Variants in CACNA2D2 observed in about 807,000 individuals in gnomAD.
The protein encoded by CACNA2D2 is voltage-dependent calcium channel subunit alpha-2/delta-2.
In CACNA2D2, 48 loss-of-function variants were observed where a neutral mutation model predicts 166.4. That is an observed-to-expected ratio of 0.29 (90% CI 0.23 to 0.37). The LOEUF (loss-of-function observed/expected upper bound fraction) is 0.37, where lower values mean the gene tolerates loss of function less well. Among genes scored for constraint, CACNA2D2 ranks in the 10% least tolerant of loss-of-function variants. The pLI, the probability that CACNA2D2 is intolerant of heterozygous loss-of-function variation, is 1.00. For missense variants in CACNA2D2, 1,122 were observed against 1,433.0 expected, an observed-to-expected ratio of 0.78 and a Z score of 3.50; for synonymous variants, 561 against 573.7, an observed-to-expected ratio of 0.98 and a Z score of 0.32.
intron 3 of CACNA2D2, among the ~76,000 whole-genome samples, chr3:50,424,607 T>A (rs1478033611): frequency 2.0e-5 from 3 of 152,194 alleles, no homozygotes; most frequent in Non-Finnish European, 2.9e-5. Context: ...ATCACTGCCA[T>A]CTTCAGCAGA....
Position 50,364,875 on chromosome 3 carries a change from C to T in CACNA2D2, c.3291+13G>A, listed in dbSNP as rs752517321. Reference sequence around the variant, plus strand: ...GGCCGCGGGATTTCGGGTCCACCGCCCCCTCTCCTCACTGTCGCGTTGTAG... The same window carrying T: ...GGCCGCGGGATTTCGGGTCCACCGCTCCCTCTCCTCACTGTCGCGTTGTAG... On this transcript the variant is annotated intron_variant, in intron 37 of 37. Coordinates refer to ENST00000424201, the MANE Select transcript of CACNA2D2 (RefSeq NM_006030.4). 2.5e-5 allele frequency: 41 copies of T among 1,613,290 alleles called. No individual in the cohort carries two copies. The Middle Eastern group carries it at 1.3e-3, about 52-fold the overall frequency.
Position 50,366,261 on chromosome 3 carries a change from C to T in CACNA2D2, c.2709+6G>A, listed in dbSNP as rs1194004360. ...TCTCTTCTTTCACTCTCTTCCTGAT[C>T]CTCACCTGGTCCCACTGATGGTTCT... On this transcript the variant is annotated splice_donor_region_variant and intron_variant, in intron 31 of 37. Coordinates refer to ENST00000424201, the MANE Select transcript of CACNA2D2 (RefSeq NM_006030.4). This position sits in a 1 kb window ranked among gnomAD's most constrained non-coding sequence, Gnocchi z 5.9. 6.2e-7 allele frequency: 1 copy of T among 1,614,098 alleles called. No homozygotes were observed. The highest frequency in any genetic ancestry group is 8.5e-7 in the Non-Finnish European group (1 of 1,179,992).
chr3:50,483,866 T>C (rs924649636), intron 1 of CACNA2D2, among the ~76,000 whole-genome samples: 1 of 152,168 alleles, frequency 6.6e-6, no homozygotes, highest in Non-Finnish European at 1.5e-5. Flanking sequence ...CCTTAATTCA[T>C]CTGCATAGCA....
chr3:50,473,688 C>G (rs1710191897), intron 2 of CACNA2D2, among the ~76,000 whole-genome samples: 1 of 152,186 alleles, frequency 6.6e-6, no homozygotes, highest in African/African-American at 2.4e-5. Context: ...CAGTCGGGGT[C>G]AGGGGTGAGT....
intron 6 of CACNA2D2, among the ~76,000 whole-genome samples, chr3:50,382,160 T>C (rs1317222561): frequency 2.6e-5 from 4 of 152,284 alleles, no homozygotes; most frequent in Admixed American, 2.0e-4. Flanking sequence ...TGTTCTCATG[T>C]GTGCAGTGAC....
intron 22 of CACNA2D2, among the ~76,000 whole-genome samples, chr3:50,373,576 G>A (rs1423693406): frequency 1.8e-5 from 2 of 112,312 alleles, no homozygotes; most frequent in Non-Finnish European, 3.7e-5. Context: ...TGAGGAGGGA[G>A]CCAGGGGGCA....
intron 1 of CACNA2D2, among the ~76,000 whole-genome samples, chr3:50,486,059 G>GA (rs1698266271): frequency 6.8e-6 from 1 of 147,164 alleles, no homozygotes; most frequent in Non-Finnish European, 1.5e-5. Context: ...GATGGGAACA[G>GA]AAGTCCTGCC....
chr3:50,404,934 G>A (rs1706627289), intron 3 of CACNA2D2, among the ~76,000 whole-genome samples: 1 of 152,188 alleles, frequency 6.6e-6, no homozygotes, highest in African/African-American at 2.4e-5. Context: ...GCATGGGAAT[G>A]TATTCCCACC....
At chr3:50,408,293 A>G (rs918384570) in intron 3 of CACNA2D2, among the ~76,000 whole-genome samples, 1 of 152,248 alleles carries the variant, frequency 6.6e-6, no homozygotes, top group Non-Finnish European at 1.5e-5. Flanking sequence ...TGCACAGGTC[A>G]TCCAGAAGAG....
Position 50,368,197 on chromosome 3 carries a change from GTGT to G in CACNA2D2, c.2081_2083del (p.Asn694del). 1.2e-6 allele frequency: 2 copies of G among 1,613,884 alleles called. No individual in the cohort carries two copies. The highest frequency in any genetic ancestry group is 1.1e-5 in the South Asian group (1 of 91,084). ...CTCAATAAAGTTTTTCAGGAACTCG[GTGT>G]TGTTGTCTGAGGCATTCAGGTCCTT... On this transcript the variant is annotated inframe_deletion, in exon 24 of 38. Coordinates refer to ENST00000424201, the MANE Select transcript of CACNA2D2 (RefSeq NM_006030.4).
Position 50,364,729 on chromosome 3 carries a change from G to A in CACNA2D2, c.3369C>T (p.Leu1123=), listed in dbSNP as rs77176698. The A allele has an allele frequency of 5.6e-4, 876 of 1,556,744 alleles. 6 individuals carry two copies. The African/African-American group carries it at 0.011, about 20-fold the overall frequency. ...LGVLVSLQLL[L]LLGLPPRPQP... ...GCGGCCGGGGCGGCAGGCCCAGGAG[G>A]AGCAGCAGTTGCAGGGAGACCAGGA... Residue 1123 remains leucine (L), a synonymous_variant, in exon 38 of 38, where the codon CTC becomes CTT. Transcript: ENST00000424201.
chr3:50,457,245 G>C (rs1186142696), intron 2 of CACNA2D2, among the ~76,000 whole-genome samples: 3 of 151,970 alleles, frequency 2.0e-5, no homozygotes, highest in Non-Finnish European at 4.4e-5. Flanking sequence ...GTAAGACTCT[G>C]TCTCAAAAAC....
At position 50,366,759 on chromosome 3, in the gene CACNA2D2, G is replaced by A; in HGVS notation, c.2589+72C>T. The A allele has an allele frequency of 1.3e-6, 2 of 1,553,226 alleles. No individual in the cohort carries two copies. Among genetic ancestry groups the A allele is most frequent in the Non-Finnish European group, 1.8e-6 (2 of 1,130,956 alleles). On this transcript the variant is annotated intron_variant, in intron 29 of 37. Coordinates refer to ENST00000424201, the MANE Select transcript of CACNA2D2 (RefSeq NM_006030.4). The surrounding 1 kb of genome is among the most constrained non-coding windows in gnomAD (Gnocchi z 5.9). Reference sequence around the variant, plus strand: ...GTAGGTGTTGGAGCCACTGAGTGGAGGGTTGGTGGGGGTTCCAGGGGACTC... The same window carrying A: ...GTAGGTGTTGGAGCCACTGAGTGGAAGGTTGGTGGGGGTTCCAGGGGACTC...
intron 22 of CACNA2D2, among the ~76,000 whole-genome samples, chr3:50,372,108 AC>A (rs1704683299): frequency 6.6e-6 from 1 of 151,828 alleles, no homozygotes; most frequent in Admixed American, 6.6e-5. Context: ...GCTCTCTGAG[AC>A]CTTTGTAATG....
chr3:50,486,028 A>G (rs1255182528), intron 1 of CACNA2D2, among the ~76,000 whole-genome samples: 1 of 151,936 alleles, frequency 6.6e-6, no homozygotes, highest in African/African-American at 2.4e-5. Context: ...TCCCCAGCAC[A>G]TTCCCCAGGT....
intron 2 of CACNA2D2, among the ~76,000 whole-genome samples, chr3:50,463,855 T>A (rs954946751): frequency 1.3e-5 from 2 of 152,206 alleles, no homozygotes; most frequent in East Asian, 3.9e-4. Context: ...AGGACCCTCA[T>A]GTGAGCCTGC....
At chr3:50,381,911 G>A (rs931090190) in intron 6 of CACNA2D2, among the ~76,000 whole-genome samples, 1 of 150,614 alleles carries the variant, frequency 6.6e-6, no homozygotes, top group Non-Finnish European at 1.5e-5. Context: ...CCTACCATCA[G>A]TTACCCCATT....
intron 2 of CACNA2D2, among the ~76,000 whole-genome samples, chr3:50,435,557 T>C (rs1187601812): frequency 1.4e-5 from 2 of 143,694 alleles, no homozygotes; most frequent in Non-Finnish European, 3.0e-5. Flanking sequence ...AGGCAGCCGA[T>C]GAAAGACAGA....
Position 50,366,139 on chromosome 3 carries a change from C to T in CACNA2D2, c.2734G>A (p.Asp912Asn), listed in dbSNP as rs1341594569. Residue 912 changes from aspartate to asparagine, a missense_variant, in exon 32 of 38, where the codon GAT becomes AAT. Physicochemically the swap from Asp to Asn is conservative, Grantham distance 23. Coordinates refer to ENST00000424201, the MANE Select transcript of CACNA2D2 (RefSeq NM_006030.4). This position sits in a 1 kb window ranked among gnomAD's most constrained non-coding sequence, Gnocchi z 5.9. ...DQVGRFFSEV[D>N]ANLMLALYNN... ...TAGAGTGCCAGCATCAGGTTGGCAT[C>T]CACCTCACTGAAGAACCTGCCCACC... 1 of 1,613,828 alleles carries T rather than the reference C, an allele frequency of 6.2e-7. No homozygotes were observed. Among genetic ancestry groups the T allele is most frequent in the East Asian group, 2.2e-5 (1 of 44,902 alleles).
Sources: gnomAD v4.1 joint callset for allele counts (sites outside exome capture counted in the v4.1 genomes callset) on GRCh38, gnomAD v4.1.1 for gene constraint, Gnocchi (gnomAD v3.1) non-coding constraint, MANE v1.5 for transcripts, NCBI Gene and HGNC (gene_info 2026-07-23, HGNC 2026-07-21) for gene names.